Variants in PPP2R2B observed in about 807,000 individuals in gnomAD.
The protein encoded by PPP2R2B is serine/threonine-protein phosphatase 2A 55 kDa regulatory subunit B beta isoform.
In PPP2R2B, 5 loss-of-function variants were observed where a neutral mutation model predicts 46.0. That is an observed-to-expected ratio of 0.11 (90% CI 0.06 to 0.23). The LOEUF (loss-of-function observed/expected upper bound fraction) is 0.23, where lower values mean the gene tolerates loss of function less well. Ranked by LOEUF, PPP2R2B falls within the 10% of genes least tolerant of loss-of-function variation. The pLI, the probability that PPP2R2B is intolerant of heterozygous loss-of-function variation, is 1.00. For missense variants in PPP2R2B, 367 were observed against 575.0 expected, an observed-to-expected ratio of 0.64 and a Z score of 3.70; for synonymous variants, 215 against 206.7, an observed-to-expected ratio of 1.04 and a Z score of -0.34.
intron 1 of PPP2R2B, among the ~76,000 whole-genome samples, chr5:147,012,370 G>T (rs968051153): frequency 2.0e-5 from 3 of 151,912 alleles, no homozygotes; most frequent in Admixed American, 6.6e-5. Context: ...TTGCATAGAG[G>T]TGTTTGTAGT....
intron 5 of PPP2R2B, among the ~76,000 whole-genome samples, chr5:146,682,263 G>T (rs1778223533): frequency 6.6e-6 from 1 of 152,152 alleles, no homozygotes; most frequent in Non-Finnish European, 1.5e-5. Context: ...ATAATGAATT[G>T]CTAGTCTCTA....
intron 1 of PPP2R2B, among the ~76,000 whole-genome samples, chr5:146,961,404 T>A (rs2151841997): frequency 6.6e-6 from 1 of 152,332 alleles, no homozygotes; most frequent in Middle Eastern, 3.4e-3. Context: ...AAGATTGTAT[T>A]CATGTACTAT....
chr5:146,759,577 T>C (rs2151250326), intron 2 of PPP2R2B, among the ~76,000 whole-genome samples: 1 of 152,314 alleles, frequency 6.6e-6, no homozygotes, highest in South Asian at 2.1e-4. Flanking sequence ...TGCTCAGGCA[T>C]CACCTCTAGA....
chr5:146,932,797 C>G (rs62373316), intron 1 of PPP2R2B, among the ~76,000 whole-genome samples: 4 of 152,032 alleles, frequency 2.6e-5, no homozygotes, highest in Non-Finnish European at 5.9e-5. Flanking sequence ...TCATGATAAA[C>G]AAGGTCAAAG....
intron 1 of PPP2R2B, among the ~76,000 whole-genome samples, chr5:146,995,451 T>C (rs181569217): frequency 1.1e-4 from 17 of 152,300 alleles, no homozygotes; most frequent in African/African-American, 4.1e-4. Flanking sequence ...CTCTGCCTTA[T>C]AAGAACTGAT....
chr5:146,675,427 T>C (rs1777646188), intron 5 of PPP2R2B, among the ~76,000 whole-genome samples: 1 of 152,188 alleles, frequency 6.6e-6, no homozygotes, highest in Non-Finnish European at 1.5e-5. Flanking sequence ...TATCCTGGAC[T>C]GTGGGATAGC....
rs1186314509 is a variant in PPP2R2B at position 146,588,174 on chromosome 5, G to C, written c.*1773C>G. On this transcript the variant is annotated 3_prime_UTR_variant, in exon 10 of 10. Transcript: ENST00000394411. Reference sequence around the variant, plus strand: ...GCGAGGCTTTCCTTGCAGGAAAAATGAGAAATACTGAGAAAGTCTCGTCTT... The same window carrying C: ...GCGAGGCTTTCCTTGCAGGAAAAATCAGAAATACTGAGAAAGTCTCGTCTT... The C allele has an allele frequency of 6.6e-6, 1 of 152,196 alleles. No homozygotes were observed. Among genetic ancestry groups the C allele is most frequent in the African/African-American group, 2.4e-5 (1 of 41,462 alleles). 9.4% of individuals were successfully genotyped at this position (152,196 alleles called of 1,614,324 possible). A position where few individuals can be genotyped will look rare whatever the true frequency, so the allele number is the denominator to read the frequency against.
At chr5:147,051,753 C>CTTTTTTT (rs60522229) in intron 1 of PPP2R2B, among the ~76,000 whole-genome samples, 2 of 92,374 alleles carry the variant, frequency 2.2e-5, no homozygotes, top group South Asian at 3.8e-4. Context: ...GTTTTGCTTC[C>CTTTTTTT]TTTTTTTTTT....
intron 1 of PPP2R2B, among the ~76,000 whole-genome samples, chr5:147,036,376 T>C (rs1319347650): frequency 2.0e-5 from 3 of 152,214 alleles, no homozygotes; most frequent in Admixed American, 1.3e-4. Flanking sequence ...CAGTATTCCA[T>C]GGTGTCTATG....
intron 1 of PPP2R2B, among the ~76,000 whole-genome samples, chr5:146,956,779 C>A (rs1751932537): frequency 6.6e-6 from 1 of 152,170 alleles, no homozygotes; most frequent in African/African-American, 2.4e-5. Context: ...AAGGGGCCAG[C>A]AGATTTGGTG....
In PPP2R2B at chr5:146,878,466, G is replaced by T; in HGVS notation, c.-125+125C>A. 1 of 1,368,120 alleles carries T rather than the reference G, an allele frequency of 7.3e-7. No individual in the cohort carries two copies. Among genetic ancestry groups the T allele is most frequent in the Non-Finnish European group, 9.4e-7 (1 of 1,058,444 alleles). The allele number at this position is 1,368,120 out of a possible 1,614,324, so 84.7% of individuals were successfully genotyped here. A position where few individuals can be genotyped will look rare whatever the true frequency, so the allele number is the denominator to read the frequency against. Reference sequence around the variant, plus strand: ...GATGCCCAACAGGTTCCCCTCCTTGGCAGCCGCTCCAAAATGCAAAAAAGA... The same window carrying T: ...GATGCCCAACAGGTTCCCCTCCTTGTCAGCCGCTCCAAAATGCAAAAAAGA... On this transcript the variant is annotated intron_variant, in intron 1 of 9. Transcript: ENST00000394411. This position sits in a 1 kb window ranked among gnomAD's most constrained non-coding sequence, Gnocchi z 4.5.
chr5:146,678,096 G>A (rs942678390), intron 5 of PPP2R2B, among the ~76,000 whole-genome samples: 1 of 152,120 alleles, frequency 6.6e-6, no homozygotes, highest in Admixed American at 6.5e-5. Flanking sequence ...GCTGTTGGGA[G>A]GCCAGGTAAC....
chr5:146,670,557 G>A (rs190275814), intron 5 of PPP2R2B, among the ~76,000 whole-genome samples: 3 of 151,642 alleles, frequency 2.0e-5, no homozygotes, highest in African/African-American at 7.3e-5. Context: ...GTGCAGTGGC[G>A]CAATGTCGGC....
chr5:146,663,994 A>G (rs1252175886), intron 5 of PPP2R2B, among the ~76,000 whole-genome samples: 2 of 152,028 alleles, frequency 1.3e-5, no homozygotes, highest in Non-Finnish European at 2.9e-5. Context: ...GGCACGTGCC[A>G]CCACGCCTGG....
chr5:146,727,722 T>C (rs1480669722), intron 2 of PPP2R2B, among the ~76,000 whole-genome samples: 2 of 152,176 alleles, frequency 1.3e-5, no homozygotes, highest in Non-Finnish European at 2.9e-5. Context: ...ATCTATTCTT[T>C]TAGCAATGTT....
intron 1 of PPP2R2B, among the ~76,000 whole-genome samples, chr5:146,987,542 G>C (rs1561558533): frequency 6.6e-6 from 1 of 151,960 alleles, no homozygotes; most frequent in Non-Finnish European, 1.5e-5. Flanking sequence ...TGCAATTAAA[G>C]TCAGGTTATC....
intron 2 of PPP2R2B, among the ~76,000 whole-genome samples, chr5:146,780,117 A>G (rs1049163768): frequency 6.6e-6 from 1 of 152,176 alleles, no homozygotes; most frequent in African/African-American, 2.4e-5. Flanking sequence ...TGTGACTACA[A>G]TTTATTTTGG....
chr5:146,733,904 T>C (rs1349781769), intron 2 of PPP2R2B, among the ~76,000 whole-genome samples: 2 of 152,146 alleles, frequency 1.3e-5, no homozygotes, highest in South Asian at 2.1e-4. Context: ...GTAGTAATAG[T>C]AGACAATAAT....
At chr5:146,707,763 AG>A (rs1779953596) in intron 2 of PPP2R2B, among the ~76,000 whole-genome samples, 1 of 152,200 alleles carries the variant, frequency 6.6e-6, no homozygotes, top group Non-Finnish European at 1.5e-5. Flanking sequence ...TATAAAACTA[AG>A]TTTCCTTTAC....
Sources: allele counts gnomAD v4.1 joint callset (sites outside exome capture counted in the v4.1 genomes callset), GRCh38; gene constraint gnomAD v4.1.1; non-coding constraint Gnocchi (gnomAD v3.1); transcripts MANE v1.5; gene names NCBI Gene and HGNC (gene_info 2026-07-23, HGNC 2026-07-21).